Variants in SEMA6D observed in about 807,000 individuals in gnomAD.
SEMA6D encodes the protein semaphorin 6D.
In SEMA6D, 35 loss-of-function variants were observed where a neutral mutation model predicts 106.6. The observed-to-expected ratio is 0.33, with a 90% CI of 0.25 to 0.44. The LOEUF (loss-of-function observed/expected upper bound fraction) is 0.44. Ranked by LOEUF, SEMA6D falls within the 20% of genes least tolerant of loss-of-function variation. The probability of loss-of-function intolerance (pLI) is 1.00; values close to 1 mark genes in which losing one functional copy is unlikely to be tolerated. For synonymous variants in SEMA6D, 499 were observed against 487.7 expected (o/e 1.02, Z -0.31); for missense variants, 1,185 against 1,345.9 (o/e 0.88, Z 1.87).
chr15:47,394,615 T>TA (rs1460676169), intron 1 of SEMA6D, among the ~76,000 whole-genome samples: 2 of 152,162 alleles, frequency 1.3e-5, no homozygotes, highest in Non-Finnish European at 2.9e-5. Context: ...CCTAAATCCC[T>TA]CCAGAGCATT....
intron 3 of SEMA6D, among the ~76,000 whole-genome samples, chr15:47,551,741 C>T (rs970032925): frequency 2.8e-5 from 4 of 142,054 alleles, no homozygotes; most frequent in Non-Finnish European, 6.1e-5. Context: ...GTATTAACAT[C>T]CATTAAAGTC....
intron 4 of SEMA6D, among the ~76,000 whole-genome samples, chr15:47,631,245 T>C (rs2077287730): frequency 6.6e-6 from 1 of 151,902 alleles, no homozygotes. Flanking sequence ...TAGGGAGCTT[T>C]TAAATTTTTC....
chr15:47,601,290 G>A (rs1386075712), intron 4 of SEMA6D, among the ~76,000 whole-genome samples: 3 of 152,280 alleles, frequency 2.0e-5, no homozygotes, highest in African/African-American at 7.2e-5. Context: ...AGAAAGCAAA[G>A]TGCCCCCAGC....
chr15:47,283,024 A>G (rs1422996694), intron 1 of SEMA6D, among the ~76,000 whole-genome samples: 1 of 152,110 alleles, frequency 6.6e-6, no homozygotes, highest in Non-Finnish European at 1.5e-5. Context: ...GTTGAGCTTA[A>G]CAGGGGCTAG....
At chr15:47,506,619 C>T (rs543108114) in intron 3 of SEMA6D, among the ~76,000 whole-genome samples, 1 of 151,912 alleles carries the variant, frequency 6.6e-6, no homozygotes, top group Non-Finnish European at 1.5e-5. Context: ...CACACACACA[C>T]ACACACACAC....
At chr15:47,355,607 G>T in intron 1 of SEMA6D, among the ~76,000 whole-genome samples, 1 of 152,134 alleles carries the variant, frequency 6.6e-6, no homozygotes, top group East Asian at 1.9e-4. Flanking sequence ...TCCTTTTTCT[G>T]TGTCCTGTAA....
At chr15:47,568,515 A>G (rs954765094) in intron 3 of SEMA6D, among the ~76,000 whole-genome samples, 1 of 152,200 alleles carries the variant, frequency 6.6e-6, no homozygotes, top group African/African-American at 2.4e-5. Context: ...CATTAATTTT[A>G]TAGGTTCCTC....
chr15:47,367,674 TCACAC>T (rs1567030806), intron 1 of SEMA6D, among the ~76,000 whole-genome samples: 4 of 141,384 alleles, frequency 2.8e-5, no homozygotes, highest in East Asian at 4.2e-4. Context: ...ACACGCACGC[TCACAC>T]GCGCGCGCGC....
chr15:47,516,138 T>C (rs568320058), intron 3 of SEMA6D, among the ~76,000 whole-genome samples: 2 of 152,244 alleles, frequency 1.3e-5, no homozygotes, highest in African/African-American at 2.4e-5. Context: ...GGAGCAACAT[T>C]GTTGTTTATA....
At chr15:47,595,093 A>G (rs1001764822) in intron 3 of SEMA6D, among the ~76,000 whole-genome samples, 1 of 152,188 alleles carries the variant, frequency 6.6e-6, no homozygotes, top group Non-Finnish European at 1.5e-5. Context: ...CCTTCATTGC[A>G]GAGTTTTGGG....
intron 2 of SEMA6D, among the ~76,000 whole-genome samples, chr15:47,444,204 A>G (rs2041962950): frequency 1.3e-5 from 2 of 152,318 alleles, no homozygotes; most frequent in Admixed American, 6.5e-5. Flanking sequence ...TCATGTGCAC[A>G]TGCACATACA....
intron 1 of SEMA6D, among the ~76,000 whole-genome samples, chr15:47,719,803 C>T (rs1442057678): frequency 6.6e-6 from 1 of 152,156 alleles, no homozygotes; most frequent in Non-Finnish European, 1.5e-5. Flanking sequence ...AAATAAATCC[C>T]CTTACTCTCT....
chr15:47,771,859 T>G lies in SEMA6D; in HGVS notation c.*74T>G. ...AGAGGATGATGTTGTAAGGGTACCTTAAAACAAGAGACTCGCTTGTATTTT... is the reference window on the plus strand; with the variant it reads ...AGAGGATGATGTTGTAAGGGTACCTGAAAACAAGAGACTCGCTTGTATTTT... On this transcript the variant is annotated 3_prime_UTR_variant, in exon 19 of 19. Coordinates refer to ENST00000536845, the MANE Select transcript of SEMA6D (RefSeq NM_001358351.3). 2 of 1,410,892 alleles carry G rather than the reference T, an allele frequency of 1.4e-6. No individual in the cohort carries two copies. The highest frequency in any genetic ancestry group is 1.9e-6 in the Non-Finnish European group (2 of 1,033,698). 87.4% of individuals were successfully genotyped at this position (1,410,892 alleles called of 1,614,324 possible).
chr15:47,738,121 T>C (rs2080559982), intron 1 of SEMA6D, among the ~76,000 whole-genome samples: 1 of 151,944 alleles, frequency 6.6e-6, no homozygotes, highest in East Asian at 1.9e-4. Context: ...TTGCTGCACC[T>C]CTTGGCCCAT....
chr15:47,718,091 C>A (rs957683481), intron 1 of SEMA6D, among the ~76,000 whole-genome samples: 14 of 152,128 alleles, frequency 9.2e-5, no homozygotes, highest in Admixed American at 7.9e-4. Context: ...TCTTGCCAGG[C>A]AGAGCCAGCT....
At chr15:47,415,095 G>C (rs901502926) in intron 2 of SEMA6D, among the ~76,000 whole-genome samples, 1 of 152,170 alleles carries the variant, frequency 6.6e-6, no homozygotes, top group Non-Finnish European at 1.5e-5. Context: ...GCACTTGTCT[G>C]ATTTGAACAT....
intron 3 of SEMA6D, among the ~76,000 whole-genome samples, chr15:47,490,793 G>GA (rs1290418321): frequency 6.6e-6 from 1 of 152,038 alleles, no homozygotes; most frequent in Non-Finnish European, 1.5e-5. Context: ...AAAAATGAAT[G>GA]AAAAAACTCC....
chr15:47,439,957 A>C (rs2041832693), intron 2 of SEMA6D, among the ~76,000 whole-genome samples: 1 of 152,178 alleles, frequency 6.6e-6, no homozygotes, highest in Admixed American at 6.6e-5. Flanking sequence ...GACATAGTCC[A>C]AGTGACAGGA....
chr15:47,714,238 CTAAG>C (rs1169790147), upstream of SEMA6D, among the ~76,000 whole-genome samples: 1 of 152,110 alleles, frequency 6.6e-6, no homozygotes, highest in Non-Finnish European at 1.5e-5. Context: ...ACTATTACAA[CTAAG>C]TAAGGGGTAG....
Sources: gnomAD v4.1 joint callset for allele counts (sites outside exome capture counted in the v4.1 genomes callset) on GRCh38, gnomAD v4.1.1 for gene constraint, MANE v1.5 for transcripts, NCBI Gene and HGNC (gene_info 2026-07-23, HGNC 2026-07-21) for gene names.